CNTNAP2: variants seen among roughly 807,000 people sequenced by gnomAD.
CNTNAP2 encodes contactin associated protein 2.
Under a neutral mutation model 155.2 loss-of-function variants are expected in CNTNAP2, and 98 were observed. The ratio of observed to expected loss-of-function variants is 0.63; its 90% CI spans 0.54 to 0.75. The LOEUF (loss-of-function observed/expected upper bound fraction) is 0.75, where lower values mean the gene tolerates loss of function less well. Ranked by LOEUF, CNTNAP2 falls within the 30% of genes least tolerant of loss-of-function variation. The pLI is 0.00. For synonymous variants in CNTNAP2, 651 were observed against 631.2 expected (o/e 1.03, Z -0.47); for missense variants, 1,727 against 1,688.1 (o/e 1.02, Z -0.40).
chr7:146,322,742 G>A (rs373723911), intron 1 of CNTNAP2, among the ~76,000 whole-genome samples: 37 of 142,310 alleles, frequency 2.6e-4, no homozygotes, highest in African/African-American at 8.9e-4. Context: ...AAGGAAGCAG[G>A]GCATAAACAC....
chr7:147,401,373 G>A (rs180797417), intron 10 of CNTNAP2, among the ~76,000 whole-genome samples: 59 of 152,096 alleles, frequency 3.9e-4, no homozygotes, highest in African/African-American at 1.1e-3. Flanking sequence ...TATATTTTTG[G>A]ATGAAGTACA....
At chr7:146,405,769 T>A (rs1210132753) in intron 1 of CNTNAP2, among the ~76,000 whole-genome samples, 1 of 152,230 alleles carries the variant, frequency 6.6e-6, no homozygotes, top group Non-Finnish European at 1.5e-5. Flanking sequence ...AAAATCATTT[T>A]AACATTTAGC....
At chr7:148,254,059 G>C in intron 20 of CNTNAP2, among the ~76,000 whole-genome samples, 1 of 152,088 alleles carries the variant, frequency 6.6e-6, no homozygotes, top group East Asian at 1.9e-4. Context: ...TGTTGTTTAA[G>C]GGTGAACTAC....
At chr7:146,718,691 T>G (rs1459631369) in intron 1 of CNTNAP2, among the ~76,000 whole-genome samples, 1 of 152,186 alleles carries the variant, frequency 6.6e-6, no homozygotes, top group Non-Finnish European at 1.5e-5. Context: ...GATGGTTCTC[T>G]CTTCTCAGTA....
chr7:146,601,956 AT>A (rs545099047), intron 1 of CNTNAP2, among the ~76,000 whole-genome samples: 3 of 152,272 alleles, frequency 2.0e-5, no homozygotes, highest in South Asian at 4.1e-4. Flanking sequence ...AGTAAAAAAA[AT>A]AAATAAATAA....
chr7:146,253,278 A>G (rs1799785457), intron 1 of CNTNAP2, among the ~76,000 whole-genome samples: 5 of 151,886 alleles, frequency 3.3e-5, no homozygotes. Context: ...TAGCCACACT[A>G]CTCCTTTGCC....
At chr7:148,215,454 T>C (rs1795619765) in intron 18 of CNTNAP2, among the ~76,000 whole-genome samples, 1 of 152,124 alleles carries the variant, frequency 6.6e-6, no homozygotes, top group African/African-American at 2.4e-5. Context: ...GTCTCTGTGA[T>C]AGTTCTTTTG....
intron 21 of CNTNAP2, among the ~76,000 whole-genome samples, chr7:148,309,869 TG>T (rs1334015230): frequency 4.0e-5 from 6 of 151,878 alleles, no homozygotes; most frequent in Non-Finnish European, 5.9e-5. Flanking sequence ...AATGAAATAG[TG>T]GTAAAGTGTT....
chr7:146,420,556 T>C (rs1795997504), intron 1 of CNTNAP2, among the ~76,000 whole-genome samples: 1 of 152,066 alleles, frequency 6.6e-6, no homozygotes, highest in African/African-American at 2.4e-5. Context: ...AAACTAGGTA[T>C]GGCAGTACAC....
chr7:148,154,152 C>G (rs1201488732), intron 17 of CNTNAP2, among the ~76,000 whole-genome samples: 1 of 152,168 alleles, frequency 6.6e-6, no homozygotes, highest in Non-Finnish European at 1.5e-5. Flanking sequence ...GAAAAATCAC[C>G]CTCAGTGCTT....
intron 13 of CNTNAP2, among the ~76,000 whole-genome samples, chr7:147,733,486 T>C (rs1462844436): frequency 2.0e-5 from 3 of 152,218 alleles, no homozygotes; most frequent in Admixed American, 6.5e-5. Context: ...TGGCTTAGGA[T>C]TGACTTGCCA....
intron 1 of CNTNAP2, among the ~76,000 whole-genome samples, chr7:146,237,052 CG>C (rs112968711): frequency 1.3e-5 from 2 of 152,006 alleles, no homozygotes; most frequent in African/African-American, 4.8e-5. Flanking sequence ...GAGAAAAACA[CG>C]GGGGGAGCTA....
intron 1 of CNTNAP2, among the ~76,000 whole-genome samples, chr7:146,211,937 T>G (rs1420476590): frequency 1.3e-5 from 2 of 152,128 alleles, no homozygotes; most frequent in Admixed American, 1.3e-4. Flanking sequence ...TGAATAATAA[T>G]AATTCATCCA....
At chr7:146,646,183 G>A (rs1027645699) in intron 1 of CNTNAP2, among the ~76,000 whole-genome samples, 1 of 152,088 alleles carries the variant, frequency 6.6e-6, no homozygotes, top group Admixed American at 6.6e-5. Flanking sequence ...GCAAAATGAA[G>A]CTTAGAAAAA....
intron 18 of CNTNAP2, 149 bp downstream of exon 18, chr7:148,172,627 C>T (rs1794842977): frequency 1.3e-6 from 1 of 787,142 alleles, no homozygotes; most frequent in Non-Finnish European, 2.2e-6. Flanking sequence ...AGGAATTTTC[C>T]AACCAAAATC....
At chr7:146,241,673 G>A (rs939945027) in intron 1 of CNTNAP2, among the ~76,000 whole-genome samples, 1 of 152,054 alleles carries the variant, frequency 6.6e-6, no homozygotes. Context: ...TGTGAAATAT[G>A]GTTCAGATAT....
intron 1 of CNTNAP2, among the ~76,000 whole-genome samples, chr7:146,295,866 C>CT (rs1027992659): frequency 2.1e-5 from 3 of 146,026 alleles, no homozygotes; most frequent in African/African-American, 7.9e-5. Flanking sequence ...CAGAGTGAGA[C>CT]TCCATCTCAA....
At position 147,530,429 on chromosome 7, in the gene CNTNAP2, C is replaced by A. The variant is rs142967100; in HGVS notation, c.1778-31709C>A. 1.5e-3 allele frequency among the ~76,000 whole-genome samples: 225 copies of A among 152,224 alleles called. 3 individuals are homozygous for A. The highest frequency in any genetic ancestry group is 5.1e-3 in the African/African-American group (211 of 41,532). On this transcript the variant is annotated intron_variant, in intron 11 of 23. Transcript: ENST00000361727. ...TTCTGACCTTGTGATCTGCCTGCCT[C>A]AGGCTCCCAAAGTGCTGGGATTACA...
intron 1 of CNTNAP2, among the ~76,000 whole-genome samples, chr7:146,598,888 G>A (rs562477489): frequency 1.3e-5 from 2 of 152,142 alleles, no homozygotes; most frequent in Non-Finnish European, 2.9e-5. Flanking sequence ...CTTCAGTGAT[G>A]TAAATTCTCA....
Sources: allele counts gnomAD v4.1 joint callset (sites outside exome capture counted in the v4.1 genomes callset), GRCh38; gene constraint gnomAD v4.1.1; transcripts MANE v1.5; gene names NCBI Gene and HGNC (gene_info 2026-07-23, HGNC 2026-07-21).